The following ITGA9 variants were observed in gnomAD, a reference collection of about 807,000 sequenced individuals.
The protein encoded by ITGA9 is integrin alpha-9.
ITGA9 carries 56 observed loss-of-function variants against 127.8 expected under a neutral mutation model. The ratio of observed to expected loss-of-function variants is 0.44; its 90% CI spans 0.35 to 0.55. ITGA9 has a LOEUF of 0.55. Among genes scored for constraint, ITGA9 ranks in the 20% least tolerant of loss-of-function variants. The probability of loss-of-function intolerance (pLI) is 0.00; values close to 1 mark genes in which losing one functional copy is unlikely to be tolerated. For missense variants in ITGA9, 1,196 were observed against 1,347.1 expected (o/e 0.89, Z 1.76); for synonymous variants, 508 against 514.5 (o/e 0.99, Z 0.17).
intron 15 of ITGA9, among the ~76,000 whole-genome samples, chr3:37,581,151 T>A (rs1699705914): frequency 6.6e-6 from 1 of 152,276 alleles, no homozygotes; most frequent in East Asian, 1.9e-4. Context: ...AAAATCACTG[T>A]GGGCCTGTGG....
chr3:37,660,866 C>A (rs1035905211), intron 17 of ITGA9, among the ~76,000 whole-genome samples: 1 of 152,160 alleles, frequency 6.6e-6, no homozygotes, highest in South Asian at 2.1e-4. Flanking sequence ...CTCCCTGTGT[C>A]TTTCATTTTT....
At chr3:37,612,291 G>A (rs564074264) in intron 15 of ITGA9, among the ~76,000 whole-genome samples, 3 of 152,080 alleles carry the variant, frequency 2.0e-5, no homozygotes, top group Admixed American at 6.6e-5. Flanking sequence ...AAAATACATA[G>A]AATTACAAAG....
At chr3:37,732,991 A>G (rs1575212668) in intron 19 of ITGA9, 193 bp downstream of exon 19, 2 of 619,174 alleles carry the variant, frequency 3.2e-6, no homozygotes, top group Non-Finnish European at 5.9e-6. Flanking sequence ...GAGGGGCTGC[A>G]TCATATGGTC....
chr3:37,795,887 A>G (rs1359053077), intron 26 of ITGA9, among the ~76,000 whole-genome samples: 1 of 152,162 alleles, frequency 6.6e-6, no homozygotes, highest in Admixed American at 6.5e-5. Flanking sequence ...ACATTCAGTT[A>G]TCTCTTCTGA....
At chr3:37,479,588 G>A (rs756440884) in intron 3 of ITGA9, among the ~76,000 whole-genome samples, 8 of 152,318 alleles carry the variant, frequency 5.3e-5, no homozygotes, top group South Asian at 4.1e-4. Context: ...ACTCGGTGAC[G>A]TGGGGCATTC....
At chr3:37,582,994 G>T (rs1699724270) in intron 15 of ITGA9, among the ~76,000 whole-genome samples, 2 of 152,162 alleles carry the variant, frequency 1.3e-5, no homozygotes, top group Admixed American at 6.5e-5. Flanking sequence ...AGTGCGTGAA[G>T]TTATTTCCCT....
chr3:37,582,655 A>G (rs1575157341), intron 15 of ITGA9, among the ~76,000 whole-genome samples: 2 of 152,180 alleles, frequency 1.3e-5, no homozygotes, highest in Admixed American at 1.3e-4. Context: ...TAGACTAACT[A>G]TCTGGTCTTA....
chr3:37,586,831 T>A (rs11718182), intron 15 of ITGA9, among the ~76,000 whole-genome samples: 1 of 152,230 alleles, frequency 6.6e-6, no homozygotes, highest in Admixed American at 6.5e-5. Flanking sequence ...TGTGGACTGT[T>A]CCATTTTTCT....
At chr3:37,709,848 C>T (rs1321212523) in intron 18 of ITGA9, among the ~76,000 whole-genome samples, 1 of 152,176 alleles carries the variant, frequency 6.6e-6, no homozygotes, top group African/African-American at 2.4e-5. Flanking sequence ...TAAAGTATAC[C>T]CTCTCCATGC....
At chr3:37,800,859 A>G (rs1697228008) in intron 26 of ITGA9, among the ~76,000 whole-genome samples, 2 of 152,204 alleles carry the variant, frequency 1.3e-5, no homozygotes, top group African/African-American at 2.4e-5. Flanking sequence ...TTTCCCAAAC[A>G]TAACAGTGAG....
intron 27 of ITGA9, among the ~76,000 whole-genome samples, chr3:37,812,646 G>A (rs964600422): frequency 2.6e-5 from 4 of 152,256 alleles, no homozygotes; most frequent in African/African-American, 9.6e-5. Flanking sequence ...GCTCTTTGGA[G>A]CTGCAGGACC....
At chr3:37,752,161 G>A (rs116122272) in intron 23 of ITGA9, among the ~76,000 whole-genome samples, 2,077 of 152,296 alleles carry the variant, frequency 0.014, 24 homozygotes, top group Non-Finnish European at 0.022. Context: ...CTGTGGCTCC[G>A]CCCCTCCCTT....
At chr3:37,736,515 T>A (rs1023475212) in intron 19 of ITGA9, among the ~76,000 whole-genome samples, 3 of 152,236 alleles carry the variant, frequency 2.0e-5, no homozygotes, top group Non-Finnish European at 4.4e-5. Flanking sequence ...TATAAATTGT[T>A]CTTTTAAAAC....
chr3:37,546,546 T>G (rs967011486), intron 15 of ITGA9, among the ~76,000 whole-genome samples: 2 of 152,322 alleles, frequency 1.3e-5, no homozygotes, highest in African/African-American at 4.8e-5. Context: ...AGTCCACAGG[T>G]TTTGGACATC....
rs752319745 is a variant in ITGA9, at chr3:37,741,720, C to T, written c.2235-10C>T. 6.2e-7 allele frequency: 1 copy of T among 1,610,656 alleles called. No individual in the cohort carries two copies. The highest frequency in any genetic ancestry group is 1.7e-5 in the Admixed American group (1 of 59,866). ...GGCCAGCGTTCATTCATTCTCCTCT[C>T]TCTGCACAGTGGCAACACGGAGCGC... is the stretch of plus-strand genomic sequence containing the variant. On this transcript the variant is annotated splice_polypyrimidine_tract_variant and intron_variant, in intron 20 of 27. Coordinates refer to ENST00000264741, the MANE Select transcript of ITGA9 (RefSeq NM_002207.3).
At chr3:37,496,848 A>G (rs1024013077) in intron 5 of ITGA9, among the ~76,000 whole-genome samples, 1 of 152,152 alleles carries the variant, frequency 6.6e-6, no homozygotes, top group African/African-American at 2.4e-5. Context: ...CCTTGTACAC[A>G]AGTGTTTCTT....
intron 17 of ITGA9, 40 bp downstream of exon 17, chr3:37,653,830 CT>C: frequency 1.3e-6 from 2 of 1,496,304 alleles, no homozygotes; most frequent in Non-Finnish European, 1.9e-6. Context: ...TCTCAGGCTC[CT>C]TTTTCTTGAC....
chr3:37,508,602 A>C lies in ITGA9; in HGVS notation c.872A>C (p.Lys291Thr). 6.2e-7 allele frequency: 1 copy of C among 1,613,920 alleles called. No individual in the cohort carries two copies. The highest frequency in any genetic ancestry group is 8.5e-7 in the Non-Finnish European group (1 of 1,179,850). The stretch of plus-strand genomic sequence containing the variant: ...GACCGAAGATCAGGCACCTTAATTA[A>C]GATCTTTCAAGCATCAGGTAAAAAG... The part of the protein sequence containing the change: ...RADRRSGTLI[K>T]IFQASGKKMG... The change falls in exon 8 of 28, where the codon AAG (lysine) becomes ACG (threonine). Residue 291 changes from lysine to threonine, a missense_variant. Transcript: ENST00000264741.
chr3:37,582,288 A>C (rs1162265234), intron 15 of ITGA9, among the ~76,000 whole-genome samples: 2 of 152,188 alleles, frequency 1.3e-5, no homozygotes, highest in East Asian at 3.8e-4. Flanking sequence ...TAGCAGTTGA[A>C]GTGCAGCTGT....
Sources: gnomAD v4.1 joint callset for allele counts (sites outside exome capture counted in the v4.1 genomes callset) on GRCh38, gnomAD v4.1.1 for gene constraint, MANE v1.5 for transcripts, NCBI Gene and HGNC (gene_info 2026-07-23, HGNC 2026-07-21) for gene names.